Variants in CD1B observed in about 807,000 individuals in gnomAD.
CD1B encodes the protein T-cell surface glycoprotein CD1b.
In CD1B, 43 loss-of-function variants were observed where a neutral mutation model predicts 39.8. The observed-to-expected ratio is 1.08, with a 90% CI of 0.85 to 1.39. CD1B has a LOEUF of 1.39. Among genes scored for constraint, CD1B ranks in the 40% most tolerant of loss-of-function variants. The pLI is 0.00. For missense variants in CD1B, 495 were observed against 403.8 expected (o/e 1.23, Z -1.94); for synonymous variants, 192 against 152.5 (o/e 1.26, Z -1.91).
chr1:158,304,350 A>G, the CD1B span, among the ~76,000 whole-genome samples: 3 of 152,180 alleles, frequency 2.0e-5, no homozygotes, highest in African/African-American at 7.2e-5. Context: ...TTGCTAGCAC[A>G]GCAGTCTGAG....
the CD1B span, among the ~76,000 whole-genome samples, chr1:158,319,949 G>C: frequency 2.6e-5 from 4 of 152,166 alleles, no homozygotes; most frequent in Non-Finnish European, 5.9e-5. Flanking sequence ...CCCCTGCTGG[G>C]GGGTGCCTCC....
At chr1:158,292,015 C>T in the CD1B span, 6 of 1,468,226 alleles carry the variant, frequency 4.1e-6, no homozygotes, top group Non-Finnish European at 4.6e-6. Flanking sequence ...CTGATACAGC[C>T]CTAGGTTTTT....
chr1:158,318,934 G>A, the CD1B span, among the ~76,000 whole-genome samples: 2 of 152,104 alleles, frequency 1.3e-5, no homozygotes, highest in African/African-American at 4.8e-5. Flanking sequence ...GCTTAGTTTG[G>A]CTGGATATTT....
At chr1:158,310,877 A>C in the CD1B span, among the ~76,000 whole-genome samples, 2 of 152,180 alleles carry the variant, frequency 1.3e-5, no homozygotes, top group Admixed American at 6.6e-5. Context: ...AATGTAAATT[A>C]GTTCAGCCAC....
the CD1B span, among the ~76,000 whole-genome samples, chr1:158,310,758 TGA>T: frequency 6.6e-6 from 1 of 152,052 alleles, no homozygotes. Flanking sequence ...AAAACCACAA[TGA>T]GATACCATCT....
the CD1B span, among the ~76,000 whole-genome samples, chr1:158,320,361 T>C: frequency 1.3e-5 from 2 of 152,202 alleles, no homozygotes; most frequent in Non-Finnish European, 2.9e-5. Context: ...AATCTCATGG[T>C]GTGCCGTTTT....
intron 5 of CD1B, 112 bp downstream of exon 5, chr1:158,328,809 G>A (rs575470458): frequency 4.0e-6 from 3 of 749,414 alleles, no homozygotes; most frequent in South Asian, 2.0e-5. Context: ...GAAAGGATAT[G>A]GTGAAAGGAT....
chr1:158,309,581 C>T, the CD1B span, among the ~76,000 whole-genome samples: 1 of 152,018 alleles, frequency 6.6e-6, no homozygotes, highest in African/African-American at 2.4e-5. Flanking sequence ...GGAACCAACC[C>T]AAATGTCTAA....
chr1:158,309,822 G>A, the CD1B span, among the ~76,000 whole-genome samples: 4,965 of 148,446 alleles, frequency 0.033, 281 homozygotes, highest in African/African-American at 0.12. Flanking sequence ...CACATACCGG[G>A]GCCTGTTGTG....
chr1:158,306,943 A>T, the CD1B span, among the ~76,000 whole-genome samples: 19 of 152,332 alleles, frequency 1.2e-4, no homozygotes, highest in African/African-American at 4.6e-4. Flanking sequence ...GTGTAGAGGG[A>T]AATTTATAGC....
chr1:158,292,890 G>A, the CD1B span: 3 of 1,612,282 alleles, frequency 1.9e-6, no homozygotes, highest in Non-Finnish European at 2.5e-6. Context: ...ACTGGAGGTT[G>A]GAAGTGTAGG....
the CD1B span, chr1:158,292,310 C>T: frequency 6.2e-7 from 1 of 1,614,110 alleles, no homozygotes; most frequent in South Asian, 1.1e-5. Flanking sequence ...GAAGCACTTG[C>T]CCCCGATTTC....
chr1:158,290,056 G>T, the CD1B span: 1 of 1,613,372 alleles, frequency 6.2e-7, no homozygotes, highest in Non-Finnish European at 8.5e-7. Flanking sequence ...AGAAACATCT[G>T]CAAATGACAT....
chr1:158,330,028 A>G lies in CD1B; in HGVS notation c.431T>C (p.Val144Ala), dbSNP rs62621277. ...GGAAGGCACACATGAAGCATTCTTG[A>G]CACTCAGGAAATCCAATCCTCCTAG... ...GALGGLDFLS[V>A]KNASCVPSPE... The change falls in exon 3 of 6, where the codon GTC (valine) becomes GCC (alanine). Residue 144 changes from valine to alanine, a missense_variant. Val to Ala is a moderately conservative substitution (Grantham distance 64). Coordinates refer to ENST00000368168, the MANE Select transcript of CD1B (RefSeq NM_001764.3). 80 of 1,613,932 alleles carry G rather than the reference A, an allele frequency of 5.0e-5. 1 individual carries two copies. Among genetic ancestry groups the G allele is most frequent in the Non-Finnish European group, 6.8e-5 (80 of 1,179,992 alleles).
At chr1:158,319,390 C>A in the CD1B span, among the ~76,000 whole-genome samples, 23 of 151,960 alleles carry the variant, frequency 1.5e-4, no homozygotes, top group African/African-American at 5.6e-4. Context: ...TCTAAACTTC[C>A]CTTCTCACTT....
At chr1:158,319,397 A>C in the CD1B span, among the ~76,000 whole-genome samples, 3 of 151,882 alleles carry the variant, frequency 2.0e-5, no homozygotes, top group African/African-American at 7.3e-5. Flanking sequence ...TTCCCTTCTC[A>C]CTTCATTTCA....
chr1:158,298,889 T>G, the CD1B span, among the ~76,000 whole-genome samples: 3 of 152,232 alleles, frequency 2.0e-5, no homozygotes, highest in African/African-American at 7.2e-5. Context: ...TTGCTGAAGT[T>G]GCTTATCAGT....
chr1:158,298,124 C>A, the CD1B span, among the ~76,000 whole-genome samples: 3 of 151,900 alleles, frequency 2.0e-5, no homozygotes, highest in African/African-American at 7.3e-5. Flanking sequence ...AACTTTAAAC[C>A]AACAACTGTC....
chr1:158,306,060 G>T, the CD1B span, among the ~76,000 whole-genome samples: 1 of 152,184 alleles, frequency 6.6e-6, no homozygotes. Flanking sequence ...CATAATGACA[G>T]GATCAAATTC....
Sources: gnomAD v4.1 joint callset for allele counts (sites outside exome capture counted in the v4.1 genomes callset) on GRCh38, gnomAD v4.1.1 for gene constraint, MANE v1.5 for transcripts, NCBI Gene and HGNC (gene_info 2026-07-23, HGNC 2026-07-21) for gene names.